CCDC18: variants seen among roughly 807,000 people sequenced by gnomAD.
The protein encoded by CCDC18 is coiled-coil domain-containing protein 18.
Under a neutral mutation model 196.0 loss-of-function variants are expected in CCDC18, and 157 were observed. The observed-to-expected ratio is 0.80, with a 90% confidence interval of 0.70 to 0.91. The LOEUF is 0.91. Among genes scored for constraint, CCDC18 ranks in the 40% least tolerant of loss-of-function variants. CCDC18 has a pLI of 0.00. For missense variants in CCDC18, 1,465 were observed against 1,611.6 expected (o/e 0.91, Z 1.56); for synonymous variants, 482 against 529.2 (o/e 0.91, Z 1.22).
At chr1:93,195,161 G>A (rs1571364263) in intron 6 of CCDC18, among the ~76,000 whole-genome samples, 1 of 152,322 alleles carries the variant, frequency 6.6e-6, no homozygotes, top group South Asian at 2.1e-4. Context: ...GTGAGCCACT[G>A]CGCCTGGCTA....
rs746378274 is a variant in CCDC18 at position 93,217,821 on chromosome 1, G to A, written c.1914G>A (p.Lys638=). The change falls in exon 14 of 29, where the codon AAG becomes AAA. Residue 638 remains lysine, a synonymous_variant. Transcript: ENST00000690025. ...TTTGTTTAGCCTTTGAAAAAGCAAA[G>A]AAAATTCACTTGGAACAGCATAAAG... ...EKICLAFEKA[K]KIHLEQHKEM... The A allele has an allele frequency of 1.2e-6, 2 of 1,612,752 alleles. No homozygotes were observed. Among genetic ancestry groups the A allele is most frequent in the Non-Finnish European group, 1.7e-6 (2 of 1,178,900 alleles).
chr1:93,275,311 G>C (rs1407972695), intron 28 of CCDC18, among the ~76,000 whole-genome samples: 2 of 152,074 alleles, frequency 1.3e-5, no homozygotes, highest in Non-Finnish European at 2.9e-5. Context: ...GTTTCACCAT[G>C]TTGGCCAAGC....
In CCDC18 at chr1:93,240,905, CTTTCCATCCCTT is replaced by C. The variant is rs765442737; in HGVS notation, c.2981+1013_2981+1024del. Among the ~76,000 whole-genome samples, 90 of 152,260 alleles carry C rather than the reference CTTTCCATCCCTT, an allele frequency of 5.9e-4. 3 individuals carry two copies. The highest frequency in any genetic ancestry group is 2.0e-4 in the Admixed American group (3 of 15,290). ...ATATATAAGATTTTTCTTGTTCTCT[CTTTCCATCCCTT>C]TTTTCATCCAGTGTATTAGCAAGCC... On this transcript the variant is annotated intron_variant, in intron 21 of 28. Coordinates refer to ENST00000690025, the MANE Select transcript of CCDC18 (RefSeq NM_001378204.1).
chr1:93,191,680 G>T (rs1390775178), intron 4 of CCDC18, among the ~76,000 whole-genome samples: 1 of 152,046 alleles, frequency 6.6e-6, no homozygotes, highest in Admixed American at 6.5e-5. Flanking sequence ...ATTGTTTATA[G>T]TTTGATATTT....
intron 27 of CCDC18, among the ~76,000 whole-genome samples, chr1:93,269,453 TGAA>T (rs1022678154): frequency 5.4e-5 from 8 of 147,516 alleles, no homozygotes; most frequent in Admixed American, 3.4e-4. Context: ...CAATTTTAGA[TGAA>T]GTAGTAAAAA....
intron 28 of CCDC18, among the ~76,000 whole-genome samples, chr1:93,273,301 C>T (rs970720712): frequency 2.0e-5 from 3 of 152,176 alleles, no homozygotes; most frequent in Non-Finnish European, 2.9e-5. Context: ...ATCTCCTGAC[C>T]TCGTGATCTG....
chr1:93,259,889 T>G (rs1330675218), intron 26 of CCDC18, among the ~76,000 whole-genome samples: 2 of 152,232 alleles, frequency 1.3e-5, no homozygotes, highest in Non-Finnish European at 2.9e-5. Context: ...TGTTCTGTTT[T>G]TAAGTATAAT....
chr1:93,247,257 CTAGA>C (rs1300802839), intron 23 of CCDC18, among the ~76,000 whole-genome samples: 2 of 151,986 alleles, frequency 1.3e-5, no homozygotes, highest in African/African-American at 4.8e-5. Flanking sequence ...AAATTTCTTC[CTAGA>C]TACTTTATTT....
chr1:93,266,597 A>G (rs961042008), intron 27 of CCDC18, among the ~76,000 whole-genome samples: 2 of 152,212 alleles, frequency 1.3e-5, no homozygotes, highest in African/African-American at 4.8e-5. Flanking sequence ...GGCAATAAAA[A>G]ATGATAAAGA....
chr1:93,200,213 A>G (rs1176194033), intron 6 of CCDC18, among the ~76,000 whole-genome samples: 2 of 152,074 alleles, frequency 1.3e-5, no homozygotes, highest in Non-Finnish European at 2.9e-5. Context: ...GGCTTCAAGC[A>G]ATCCTCCTGG....
intron 17 of CCDC18, among the ~76,000 whole-genome samples, chr1:93,229,406 T>C (rs942048354): frequency 6.6e-6 from 1 of 152,224 alleles, no homozygotes; most frequent in African/African-American, 2.4e-5. Context: ...TTAATATAAT[T>C]AACACCTTGT....
intron 27 of CCDC18, among the ~76,000 whole-genome samples, chr1:93,266,690 C>T (rs751558982): frequency 1.1e-4 from 16 of 152,198 alleles, no homozygotes; most frequent in African/African-American, 3.9e-4. Context: ...ACTAGAAAAC[C>T]TAGAAGAAAT....
chr1:93,252,401 T>C (rs571452671), intron 23 of CCDC18, among the ~76,000 whole-genome samples: 1 of 152,344 alleles, frequency 6.6e-6, no homozygotes, highest in African/African-American at 2.4e-5. Flanking sequence ...CATTCTGCTG[T>C]TGATGCTCTT....
At chr1:93,185,799 A>G (rs1650562206) in intron 3 of CCDC18, among the ~76,000 whole-genome samples, 1 of 151,954 alleles carries the variant, frequency 6.6e-6, no homozygotes, top group African/African-American at 2.4e-5. Context: ...GCATAAATAA[A>G]TCACTCAAAA....
chr1:93,268,475 CA>C (rs1664818026), intron 27 of CCDC18, among the ~76,000 whole-genome samples: 1 of 152,058 alleles, frequency 6.6e-6, no homozygotes, highest in Non-Finnish European at 1.5e-5. Context: ...AAGAAACTAC[CA>C]TCAGAGTGAA....
rs1665158067 is a variant in CCDC18 at position 93,270,655 on chromosome 1, C to T, written c.4194C>T (p.Tyr1398=). 3 of 1,550,386 alleles carry T rather than the reference C, an allele frequency of 1.9e-6. No homozygotes were observed. Among genetic ancestry groups the T allele is most frequent in the Non-Finnish European group, 2.6e-6 (3 of 1,146,886 alleles). Residue 1398 remains tyrosine, a synonymous_variant, in exon 28 of 29, where the codon TAC becomes TAT. Transcript: ENST00000690025. ...TLEESHKNLT[Y]TQPDSFKPLT... is the part of the protein sequence containing the mutation. ...AAGAAAGCCATAAGAATCTGACTTACACCCAGCCAGACTCATTTAAACCTC... is the reference window on the plus strand; with the variant it reads ...AAGAAAGCCATAAGAATCTGACTTATACCCAGCCAGACTCATTTAAACCTC...
At position 93,228,199 on chromosome 1, in the gene CCDC18, A is replaced by G. The variant is rs78031872; in HGVS notation, c.2292+1750A>G. On this transcript the variant is annotated intron_variant, in intron 17 of 28. Coordinates refer to ENST00000690025, the MANE Select transcript of CCDC18 (RefSeq NM_001378204.1). ...GACCCGCTACCATTGTTAAGGTTAGAGGAACATCAGGAAAAGATGGTGTGA... is the reference window on the plus strand; with the variant it reads ...GACCCGCTACCATTGTTAAGGTTAGGGGAACATCAGGAAAAGATGGTGTGA... 2.9e-3 allele frequency among the ~76,000 whole-genome samples: 436 copies of G among 152,136 alleles called. 6 individuals carry two copies. The East Asian group carries it at 0.055, about 19-fold the overall frequency.
At chr1:93,193,828 A>C in intron 6 of CCDC18, 84 bp downstream of exon 6, 1 of 1,119,286 alleles carries the variant, frequency 8.9e-7, no homozygotes. Flanking sequence ...TAATTTTTGA[A>C]GTGAAAAAAT....
chr1:93,275,837 G>T (rs994496835), intron 28 of CCDC18, among the ~76,000 whole-genome samples: 3 of 152,146 alleles, frequency 2.0e-5, no homozygotes, highest in African/African-American at 7.2e-5. Flanking sequence ...GTCTTTATCT[G>T]CCAGTTCAAA....
Sources: allele counts gnomAD v4.1 joint callset (sites outside exome capture counted in the v4.1 genomes callset), GRCh38; gene constraint gnomAD v4.1.1; transcripts MANE v1.5; gene names NCBI Gene and HGNC (gene_info 2026-07-23, HGNC 2026-07-21).